The following C12orf56 variants were observed in gnomAD, a reference collection of about 807,000 sequenced individuals.
C12orf56 encodes the protein uncharacterized protein C12orf56.
A neutral mutation model predicts 69.9 loss-of-function variants in C12orf56; 71 were observed. That is an observed-to-expected ratio of 1.02 (90% confidence interval 0.84 to 1.24). The LOEUF (loss-of-function observed/expected upper bound fraction) is 1.24, where lower values mean the gene tolerates loss of function less well. Among genes scored for constraint, C12orf56 ranks in the 50% most tolerant of loss-of-function variants. The probability of loss-of-function intolerance (pLI) is 0.00; values close to 1 mark genes in which losing one functional copy is unlikely to be tolerated. For synonymous variants in C12orf56, 276 were observed against 274.1 expected (o/e 1.01, Z -0.07); for missense variants, 732 against 738.5 (o/e 0.99, Z 0.10).
intron 2 of C12orf56, among the ~76,000 whole-genome samples, chr12:64,350,573 A>G (rs1349622912): frequency 6.6e-6 from 1 of 152,222 alleles, no homozygotes; most frequent in Non-Finnish European, 1.5e-5. Flanking sequence ...CATTGTCTAT[A>G]CAGTCCCCAT....
chr12:64,332,302 C>CAAAAA (rs10680877), intron 2 of C12orf56, among the ~76,000 whole-genome samples: 14 of 100,698 alleles, frequency 1.4e-4, no homozygotes, highest in African/African-American at 3.9e-4. Flanking sequence ...GACTCCATCT[C>CAAAAA]AAAAAAAAAA....
chr12:64,273,127 G>A (rs2038010556), intron 11 of C12orf56, among the ~76,000 whole-genome samples: 1 of 151,926 alleles, frequency 6.6e-6, no homozygotes, highest in Non-Finnish European at 1.5e-5. Flanking sequence ...AACCCCGTCT[G>A]TACTAAAAAA....
chr12:64,375,692 A>G (rs1204766837), intron 1 of C12orf56, among the ~76,000 whole-genome samples: 1 of 152,222 alleles, frequency 6.6e-6, no homozygotes, highest in East Asian at 1.9e-4. Context: ...CAACCATTCT[A>G]TGGTCATTCA....
chr12:64,371,899 ATTTC>A lies in C12orf56; in HGVS notation c.252+18411_252+18414del, dbSNP rs200699876. 3.0e-3 allele frequency among the ~76,000 whole-genome samples: 411 copies of A among 139,136 alleles called. 5 individuals carry two copies. The highest frequency in any genetic ancestry group is 0.01 in the African/African-American group (355 of 35,298). 91.3% of individuals were successfully genotyped at this position (139,136 alleles called of 152,430 possible). On this transcript the variant is annotated intron_variant, in intron 1 of 12. Transcript: ENST00000543942. Reference sequence around the variant, plus strand: ...TGTCATGATATTGGTCTTGGCAATGATTTCTTTTTTTTTTTTTTTTTTTTTGCAC... The same window carrying A: ...TGTCATGATATTGGTCTTGGCAATGATTTTTTTTTTTTTTTTTTTTTGCAC...
At chr12:64,294,236 G>A (rs1048199462) in intron 6 of C12orf56, among the ~76,000 whole-genome samples, 1 of 152,076 alleles carries the variant, frequency 6.6e-6, no homozygotes, top group Non-Finnish European at 1.5e-5. Context: ...TACTGTTGGT[G>A]GAAGTAGAAA....
At chr12:64,360,296 G>A (rs900157734) in intron 1 of C12orf56, among the ~76,000 whole-genome samples, 2 of 151,538 alleles carry the variant, frequency 1.3e-5, no homozygotes, top group Admixed American at 6.6e-5. Context: ...ATGGTGGCAG[G>A]TGCCTGTAAT....
intron 1 of C12orf56, among the ~76,000 whole-genome samples, chr12:64,375,939 C>T (rs1357562156): frequency 6.6e-6 from 1 of 152,042 alleles, no homozygotes; most frequent in Non-Finnish European, 1.5e-5. Flanking sequence ...CCAAAGCCAA[C>T]CTGCACTGAA....
At chr12:64,313,534 A>C (rs938136761) in intron 4 of C12orf56, among the ~76,000 whole-genome samples, 2 of 150,798 alleles carry the variant, frequency 1.3e-5, no homozygotes, top group African/African-American at 4.9e-5. Context: ...GCAACAGAGC[A>C]AGACCTTGTG....
chr12:64,383,165 A>G (rs2039743319), intron 1 of C12orf56, among the ~76,000 whole-genome samples: 1 of 151,888 alleles, frequency 6.6e-6, no homozygotes, highest in African/African-American at 2.4e-5. Flanking sequence ...AAAATTACAA[A>G]AAATAGCCGA....
At chr12:64,301,955 T>C (rs7975823) in intron 6 of C12orf56, among the ~76,000 whole-genome samples, 106,118 of 151,530 alleles carry the variant, frequency 0.7, 38,263 homozygotes, top group Non-Finnish European at 0.79. Flanking sequence ...CCTTAAATGT[T>C]GAAGCCAAAG....
intron 1 of C12orf56, among the ~76,000 whole-genome samples, chr12:64,379,152 G>A (rs1265221504): frequency 6.6e-6 from 1 of 152,096 alleles, no homozygotes; most frequent in Non-Finnish European, 1.5e-5. Context: ...TTGAAGCATT[G>A]AGACTTTGGG....
intron 8 of C12orf56, among the ~76,000 whole-genome samples, chr12:64,281,442 C>T (rs1426733292): frequency 6.6e-6 from 1 of 151,932 alleles, no homozygotes; most frequent in East Asian, 1.9e-4. Flanking sequence ...CGTGGTGGCA[C>T]ACACCTGTAT....
At chr12:64,278,563 A>G (rs2038085684) in intron 8 of C12orf56, among the ~76,000 whole-genome samples, 1 of 152,224 alleles carries the variant, frequency 6.6e-6, no homozygotes, top group South Asian at 2.1e-4. Flanking sequence ...AATCAAGCGA[A>G]TTGACGTATG....
chr12:64,337,857 A>AAAAC (rs1235654131), intron 2 of C12orf56, among the ~76,000 whole-genome samples: 6 of 151,128 alleles, frequency 4.0e-5, no homozygotes, highest in Admixed American at 2.0e-4. Context: ...ATTCTGTCAA[A>AAAAC]AAAAAAAAAA....
At chr12:64,271,442 C>G (rs745771554) in intron 11 of C12orf56, among the ~76,000 whole-genome samples, 1 of 152,106 alleles carries the variant, frequency 6.6e-6, no homozygotes, top group Non-Finnish European at 1.5e-5. Flanking sequence ...CCAGCCTGGG[C>G]GAGTGCAAGT....
intron 6 of C12orf56, among the ~76,000 whole-genome samples, chr12:64,294,475 A>G (rs957444233): frequency 6.6e-6 from 1 of 152,268 alleles, no homozygotes; most frequent in Non-Finnish European, 1.5e-5. Context: ...GTATATACAT[A>G]CAATGGAATA....
chr12:64,273,717 C>T (rs1027179237), intron 11 of C12orf56, among the ~76,000 whole-genome samples: 6 of 152,236 alleles, frequency 3.9e-5, no homozygotes, highest in Non-Finnish European at 5.9e-5. Context: ...TCTTGGCCAT[C>T]TGCAGGCAGG....
Position 64,270,676 on chromosome 12 carries a change from C to T in C12orf56, c.1623G>A (p.Arg541=), listed in dbSNP as rs1309122527. The part of the protein sequence containing the change: ...FVASIVKQVV[R]GLSASFQLLS... ...GCAGCTGAAATGAAGCTGAAAGACC[C>T]CTCACCACTTGTTTCACAATACTGG... The change falls in exon 12 of 13, where the codon AGG becomes AGA. Residue 541 remains arginine (R), a synonymous_variant. Coordinates refer to ENST00000543942, the MANE Select transcript of C12orf56 (RefSeq NM_001170633.2). The T allele has an allele frequency of 1.2e-6, 2 of 1,612,506 alleles. No individual in the cohort carries two copies. Among genetic ancestry groups the T allele is most frequent in the Non-Finnish European group, 1.7e-6 (2 of 1,179,568 alleles).
rs1327178360 is a variant in C12orf56 at position 64,369,938 on chromosome 12, G to A, written c.253-16882C>T. Among the ~76,000 whole-genome samples the A allele has an allele frequency of 1.7e-4, 25 of 149,616 alleles. 1 individual carries two copies. The highest frequency in any genetic ancestry group is 1.3e-3 in the Admixed American group (19 of 14,934). ...GTGGAGGTTGCAGTGAGCTGAGATC[G>A]TGCCACTGCACTCCAGCCTGGGAGA... On this transcript the variant is annotated intron_variant, in intron 1 of 12. Transcript: ENST00000543942.
Sources: gnomAD v4.1 joint callset for allele counts (sites outside exome capture counted in the v4.1 genomes callset) on GRCh38, gnomAD v4.1.1 for gene constraint, MANE v1.5 for transcripts, NCBI Gene and HGNC (gene_info 2026-07-23, HGNC 2026-07-21) for gene names.